The following MORC3 variants were observed in gnomAD, a reference collection of about 807,000 sequenced individuals.
MORC3 encodes MORC family CW-type zinc finger protein 3.
Under a neutral mutation model 109.1 loss-of-function variants are expected in MORC3, and 31 were observed. That is an observed-to-expected ratio of 0.28 (90% CI 0.21 to 0.38). The LOEUF (loss-of-function observed/expected upper bound fraction) is 0.38, where lower values mean the gene tolerates loss of function less well. Among genes scored for constraint, MORC3 ranks in the 10% least tolerant of loss-of-function variants. The pLI is 1.00. For synonymous variants in MORC3, 395 were observed against 380.7 expected, an observed-to-expected ratio of 1.04 and a Z score of -0.44; for missense variants, 867 against 1,135.8, an observed-to-expected ratio of 0.76 and a Z score of 3.40.
chr21:36,341,459 G>T lies in MORC3; in HGVS notation c.669G>T (p.Glu223Asp), dbSNP rs201710158. ...ATAAATATGATATCAGAATTCCCGA[G>T]GATTTAGATGAGATAACAGGGAAGA... ...EKDKYDIRIP[E>D]DLDEITGKKG... Residue 223 changes from glutamate (E) to aspartate (D), a missense_variant, in exon 6 of 17, where the codon GAG (glutamate) becomes GAT (aspartate). Coordinates refer to ENST00000400485, the MANE Select transcript of MORC3 (RefSeq NM_015358.3). The T allele has an allele frequency of 1.2e-6, 2 of 1,613,720 alleles. No individual in the cohort carries two copies. The highest frequency in any genetic ancestry group is 2.2e-5 in the East Asian group (1 of 44,874).
intron 1 of MORC3, among the ~76,000 whole-genome samples, chr21:36,327,357 C>T (rs2085260977): frequency 7.0e-6 from 1 of 142,434 alleles, no homozygotes; most frequent in Non-Finnish European, 1.5e-5. Flanking sequence ...GGGGTTTTGC[C>T]ATGTTGGCCA....
intron 6 of MORC3, among the ~76,000 whole-genome samples, chr21:36,343,196 AG>A (rs1005403857): frequency 3.3e-5 from 5 of 151,484 alleles, no homozygotes; most frequent in Non-Finnish European, 5.9e-5. Context: ...CCTGGGTTCA[AG>A]GGATTCTTCT....
intron 6 of MORC3, 63 bp downstream of exon 6, chr21:36,341,609 G>C: frequency 6.3e-7 from 1 of 1,594,540 alleles, no homozygotes; most frequent in Non-Finnish European, 8.5e-7. Context: ...TATTAGGAGA[G>C]GTCATGTTAC....
intron 10 of MORC3, among the ~76,000 whole-genome samples, chr21:36,357,769 C>T (rs1389431582): frequency 4.4e-5 from 6 of 134,902 alleles, no homozygotes; most frequent in African/African-American, 1.7e-4. Context: ...GAAATGGAGT[C>T]TCACTCTGTC....
chr21:36,330,510 A>T (rs757939388), intron 1 of MORC3, among the ~76,000 whole-genome samples: 2 of 152,122 alleles, frequency 1.3e-5, no homozygotes, highest in African/African-American at 2.4e-5. Flanking sequence ...TTGATACCTC[A>T]TACCACCCTA....
chr21:36,358,309 C>G (rs894791012), intron 10 of MORC3, among the ~76,000 whole-genome samples: 1 of 151,792 alleles, frequency 6.6e-6, no homozygotes, highest in South Asian at 2.1e-4. Flanking sequence ...AGCTTGAACC[C>G]GGGAGGCAGA....
chr21:36,374,386 C>T (rs953333025), intron 16 of MORC3, among the ~76,000 whole-genome samples: 4 of 151,762 alleles, frequency 2.6e-5, no homozygotes, highest in East Asian at 1.9e-4. Context: ...CCTCTGTGCC[C>T]GGCGTAAAAA....
intron 10 of MORC3, among the ~76,000 whole-genome samples, chr21:36,357,845 A>G (rs142454116): frequency 0.025 from 3,733 of 151,174 alleles, 65 homozygotes; most frequent in Admixed American, 0.046. Context: ...GGTTCAAGCA[A>G]TTCTCCTGCC....
intron 1 of MORC3, among the ~76,000 whole-genome samples, chr21:36,323,714 T>C (rs907596079): frequency 1.3e-5 from 2 of 152,232 alleles, no homozygotes; most frequent in Admixed American, 1.3e-4. Flanking sequence ...CTGCATTTTA[T>C]TGGGCACTTA....
chr21:36,320,326 G>C (rs763057987), intron 1 of MORC3, 23 bp downstream of exon 1: 8 of 1,494,664 alleles, frequency 5.4e-6, no homozygotes, highest in Non-Finnish European at 7.2e-6. Flanking sequence ...GAGGGGTGGA[G>C]CGGGCCGTGT....
chr21:36,375,348 C>T lies in MORC3; in HGVS notation c.*52C>T. On this transcript the variant is annotated 3_prime_UTR_variant, in exon 17 of 17. Transcript: ENST00000400485. ...TTGCTCAATTCTTTTGGTTGTACAG[C>T]TTTCAAAATATAATTAATTTTGTTT... The T allele has an allele frequency of 6.8e-7, 1 of 1,475,716 alleles. No individual in the cohort carries two copies. The highest frequency in any genetic ancestry group is 9.2e-7 in the Non-Finnish European group (1 of 1,085,084). The allele number at this position is 1,475,716 out of a possible 1,614,324, so 91.4% of individuals were successfully genotyped here. A position where few individuals can be genotyped will look rare whatever the true frequency, so the allele number is the denominator to read the frequency against.
At chr21:36,365,928 G>A (rs1392197979) in intron 14 of MORC3, among the ~76,000 whole-genome samples, 1 of 152,068 alleles carries the variant, frequency 6.6e-6, no homozygotes, top group African/African-American at 2.4e-5. Context: ...TTTGGAGCTG[G>A]ATTGCTACTT....
rs1462289094 is a variant in MORC3 at position 36,369,056 on chromosome 21, T to G, written c.1688T>G (p.Phe563Cys). The G allele has an allele frequency of 1.9e-6, 3 of 1,614,082 alleles. No individual in the cohort carries two copies. The highest frequency in any genetic ancestry group is 2.5e-6 in the Non-Finnish European group (3 of 1,179,978). The change falls in exon 15 of 17, where the codon TTT (phenylalanine) becomes TGT (cysteine). Residue 563 changes from phenylalanine to cysteine, a missense_variant. Physicochemically the swap from Phe to Cys is radical, Grantham distance 205 (BLOSUM62 -2). This residue lies in a region of MORC3 where 486 missense variants were observed against 502.1 expected (regional missense o/e 0.97). Transcript: ENST00000400485. ...AAGAATCGGAGATTGAGTAGTCAGTTTGAAAATTCAGTTTATAAAGGTGAT... is the reference window on the plus strand; with the variant it reads ...AAGAATCGGAGATTGAGTAGTCAGTGTGAAAATTCAGTTTATAAAGGTGAT... Reference protein sequence around the residue: ...NAKNRRLSSQFENSVYKGDDD... With the variant: ...NAKNRRLSSQCENSVYKGDDD...
intron 8 of MORC3, chr21:36,348,365 C>CT (rs2085534975): frequency 1.3e-5 from 2 of 152,194 alleles, no homozygotes; most frequent in South Asian, 2.1e-4. Context: ...TTTCTGTTCT[C>CT]TAAGAAATTG....
chr21:36,349,478 C>CT, intron 9 of MORC3, 70 bp downstream of exon 9: 1 of 996,060 alleles, frequency 1.0e-6, no homozygotes. Context: ...AGGAACTACT[C>CT]TATTTTCTGT....
At chr21:36,320,874 C>T (rs998911049) in intron 1 of MORC3, among the ~76,000 whole-genome samples, 2 of 152,182 alleles carry the variant, frequency 1.3e-5, no homozygotes, top group Admixed American at 6.5e-5. Context: ...CCTCTTTATC[C>T]CGCGTTGCGT....
intron 12 of MORC3, 181 bp from the exon 13 acceptor site, chr21:36,362,002 C>G: frequency 1.5e-6 from 1 of 685,814 alleles, no homozygotes; most frequent in East Asian, 2.8e-5. Flanking sequence ...TGGAAAAATT[C>G]AGGCTAAAAT....
chr21:36,337,460 T>A (rs1003326487), intron 3 of MORC3, among the ~76,000 whole-genome samples: 2 of 152,106 alleles, frequency 1.3e-5, no homozygotes, highest in African/African-American at 4.8e-5. Context: ...TTTTCTCCCC[T>A]GTGATGTAGA....
intron 6 of MORC3, among the ~76,000 whole-genome samples, chr21:36,342,238 C>T (rs1332574408): frequency 1.3e-5 from 2 of 151,622 alleles, no homozygotes; most frequent in Admixed American, 6.6e-5. Flanking sequence ...AGTGAGACGC[C>T]ATCACACACA....
Sources: allele counts gnomAD v4.1 joint callset (sites outside exome capture counted in the v4.1 genomes callset), GRCh38; gene constraint gnomAD v4.1.1; regional missense constraint gnomAD v4.1.1; transcripts MANE v1.5; gene names NCBI Gene and HGNC (gene_info 2026-07-23, HGNC 2026-07-21).